The following ZNF273 variants were observed in gnomAD, a reference collection of about 807,000 sequenced individuals.
The protein encoded by ZNF273 is zinc finger protein 9.
In ZNF273, 11 loss-of-function variants were observed where a neutral mutation model predicts 14.9. The ratio of observed to expected loss-of-function variants is 0.74; its 90% CI spans 0.46 to 1.22. ZNF273 has a LOEUF of 1.22. Ranked by LOEUF, ZNF273 falls within the 50% of genes most tolerant of loss-of-function variation. The pLI, the probability that ZNF273 is intolerant of heterozygous loss-of-function variation, is 0.00. For missense variants in ZNF273, 577 were observed against 660.6 expected, an observed-to-expected ratio of 0.87 and a Z score of 1.39; for synonymous variants, 199 against 223.9, an observed-to-expected ratio of 0.89 and a Z score of 0.99.
chr7:64,909,101 G>A (rs1290423093), intron 1 of ZNF273, among the ~76,000 whole-genome samples: 3 of 151,974 alleles, frequency 2.0e-5, no homozygotes, highest in East Asian at 3.9e-4. Flanking sequence ...TTTTTTGTAC[G>A]TACGGGGTTT....
At chr7:64,911,437 A>G (rs1023462258) in intron 1 of ZNF273, among the ~76,000 whole-genome samples, 4 of 151,584 alleles carry the variant, frequency 2.6e-5, no homozygotes, top group Non-Finnish European at 2.9e-5. Context: ...CTAATTTTGT[A>G]TTTTTAGTGG....
downstream of ZNF273, chr7:64,889,351 G>A: frequency 1.0e-6 from 1 of 960,584 alleles, no homozygotes; most frequent in Non-Finnish European, 1.2e-6. This position sits in a 1 kb window ranked among gnomAD's most constrained non-coding sequence, Gnocchi z 4.2. Flanking sequence ...CCAACAGCTG[G>A]TGCTGAGGGT....
chr7:64,915,619 G>A (rs1793919882), intron 1 of ZNF273, among the ~76,000 whole-genome samples: 1 of 152,228 alleles, frequency 6.6e-6, no homozygotes, highest in Non-Finnish European at 1.5e-5. Flanking sequence ...GGGTGGGCCA[G>A]GTGTTCATTC....
At chr7:64,899,538 C>T (rs1426122448), upstream of ZNF273, among the ~76,000 whole-genome samples, 1 of 151,720 alleles carries the variant, frequency 6.6e-6, no homozygotes, top group Non-Finnish European at 1.5e-5. Flanking sequence ...ACCTGTAATC[C>T]CAGCTATTTG....
At chr7:64,917,165 C>T (rs1210298114) in intron 1 of ZNF273, 1 of 1,167,484 alleles carries the variant, frequency 8.6e-7, no homozygotes, top group East Asian at 5.8e-5. Context: ...TCCAGATCTT[C>T]TGGAAAGAAA....
At chr7:64,900,510 A>G (rs150740724), upstream of ZNF273, among the ~76,000 whole-genome samples, 9 of 152,292 alleles carry the variant, frequency 5.9e-5, no homozygotes, top group East Asian at 1.7e-3. Context: ...AAACATGGAT[A>G]AGCAAACCGG....
At chr7:64,886,368 T>A (rs952018771) in intron 1 of ZNF273, among the ~76,000 whole-genome samples, 7 of 152,196 alleles carry the variant, frequency 4.6e-5, no homozygotes, top group African/African-American at 1.4e-4. Flanking sequence ...CTGGACAGAA[T>A]GTAGGCATTT....
exon 2 of ZNF273, chr7:64,888,694 G>GGGGAC: frequency 1.0e-6 from 1 of 985,744 alleles, no homozygotes; most frequent in Non-Finnish European, 1.2e-6. Context: ...CGGGGTGAGA[G>GGGGAC]GTCCGGCTCC....
upstream of ZNF273, among the ~76,000 whole-genome samples, chr7:64,901,746 T>C (rs981472351): frequency 1.3e-5 from 2 of 151,290 alleles, no homozygotes; most frequent in African/African-American, 4.9e-5. Context: ...AGGTTGGGAG[T>C]TCGAGACCAG....
chr7:64,899,274 G>A (rs1013447428), upstream of ZNF273, among the ~76,000 whole-genome samples: 1 of 152,222 alleles, frequency 6.6e-6, no homozygotes, highest in Non-Finnish European at 1.5e-5. Flanking sequence ...TGTGATTTTG[G>A]TTAATTTTAT....
intron 1 of ZNF273, among the ~76,000 whole-genome samples, chr7:64,905,816 T>C (rs1316468588): frequency 6.6e-6 from 1 of 152,162 alleles, no homozygotes; most frequent in Admixed American, 6.5e-5. Context: ...ACTGCCACTC[T>C]CTGGGGGTTT....
chr7:64,878,607 A>T (rs1304958667), intron 2 of ZNF273: 1 of 152,232 alleles, frequency 6.6e-6, no homozygotes, highest in Non-Finnish European at 1.5e-5. Context: ...CATTCCCTTC[A>T]TTGCAGAAGC....
chr7:64,901,563 C>T (rs10264026), upstream of ZNF273, among the ~76,000 whole-genome samples: 3 of 151,990 alleles, frequency 2.0e-5, no homozygotes, highest in Non-Finnish European at 2.9e-5. Context: ...GTAGTCAGGT[C>T]GTGATCTCTT....
chr7:64,883,214 A>ACCCCCCCCCCCC (rs57594044), downstream of ZNF273, among the ~76,000 whole-genome samples: 58 of 121,650 alleles, frequency 4.8e-4, no homozygotes, highest in East Asian at 1.0e-3. Context: ...CCAAATCACC[A>ACCCCCCCCCCCC]CCCCCCCCTC....
At chr7:64,886,632 T>C (rs992841949) in intron 1 of ZNF273, among the ~76,000 whole-genome samples, 3 of 152,186 alleles carry the variant, frequency 2.0e-5, no homozygotes, top group Admixed American at 2.0e-4. Flanking sequence ...ACACATCACC[T>C]GTCAGAGGTA....
downstream of ZNF273, among the ~76,000 whole-genome samples, chr7:64,881,858 T>C (rs1463916015): frequency 5.3e-5 from 8 of 152,320 alleles, no homozygotes; most frequent in East Asian, 1.5e-3. Context: ...CTTGATTTTC[T>C]TGTGCTTTCA....
intron 3 of ZNF273, among the ~76,000 whole-genome samples, chr7:64,919,814 T>A (rs968841943): frequency 6.6e-6 from 1 of 152,158 alleles, no homozygotes; most frequent in African/African-American, 2.4e-5. Flanking sequence ...AAACAGGTTT[T>A]CATGTACTAG....
intron 3 of ZNF273, among the ~76,000 whole-genome samples, chr7:64,896,843 GA>G (rs929930590): frequency 6.6e-5 from 10 of 151,824 alleles, no homozygotes; most frequent in African/African-American, 2.4e-4. Flanking sequence ...AAAAGCAAAT[GA>G]AAAAAAGGGG....
chr7:64,888,330 T>A, intron 1 of ZNF273: 1 of 985,218 alleles, frequency 1.0e-6, no homozygotes, highest in Non-Finnish European at 1.2e-6. Context: ...GCTCAACACC[T>A]CTGAGCTCAA....
Sources: gnomAD v4.1 joint callset for allele counts (sites outside exome capture counted in the v4.1 genomes callset) on GRCh38, gnomAD v4.1.1 for gene constraint, Gnocchi (gnomAD v3.1) non-coding constraint, MANE v1.5 for transcripts, NCBI Gene and HGNC (gene_info 2026-07-23, HGNC 2026-07-21) for gene names.